The following CABIN1 variants were observed in gnomAD, a reference collection of about 807,000 sequenced individuals.
The protein encoded by CABIN1 is calcineurin-binding protein cabin-1.
CABIN1 carries 133 observed loss-of-function variants against 227.7 expected under a neutral mutation model. That is an observed-to-expected ratio of 0.58 (90% CI 0.51 to 0.67). The LOEUF (loss-of-function observed/expected upper bound fraction) is 0.67, where lower values mean the gene tolerates loss of function less well. CABIN1 is among the 30% of genes least tolerant of loss of function. The pLI is 0.00. For missense variants in CABIN1, 2,408 were observed against 2,852.5 expected (o/e 0.84, Z 3.55); for synonymous variants, 1,086 against 1,155.1 (o/e 0.94, Z 1.21).
chr22:24,061,941 C>G lies in CABIN1; in HGVS notation c.1618-6C>G. The stretch of plus-strand genomic sequence containing the variant: ...TGTTCTTGACCTTCCTGTGTCTGTC[C>G]TGCAGGACATGATGCTGATGTCTCT... On this transcript the variant is annotated splice_polypyrimidine_tract_variant and splice_region_variant and intron_variant, in intron 12 of 36. Coordinates refer to ENST00000263119, the MANE Select transcript of CABIN1 (RefSeq NM_012295.4). 2.5e-6 allele frequency: 4 copies of G among 1,612,410 alleles called. No homozygotes were observed. The highest frequency in any genetic ancestry group is 3.4e-6 in the Non-Finnish European group (4 of 1,178,520).
At chr22:24,131,801 C>T (rs1417940138) in intron 28 of CABIN1, among the ~76,000 whole-genome samples, 4 of 152,128 alleles carry the variant, frequency 2.6e-5, no homozygotes, top group South Asian at 2.1e-4. Flanking sequence ...CACGGTGGCT[C>T]GCGCCTGTAA....
chr22:24,084,887 C>T, intron 21 of CABIN1, 102 bp downstream of exon 21: 3 of 1,563,528 alleles, frequency 1.9e-6, no homozygotes, highest in Non-Finnish European at 2.6e-6. Context: ...TGCTCTGTAC[C>T]AGACTGAGGG....
chr22:24,175,382 G>T (rs1314168004), intron 34 of CABIN1, among the ~76,000 whole-genome samples: 1 of 152,254 alleles, frequency 6.6e-6, no homozygotes, highest in Non-Finnish European at 1.5e-5. Context: ...AGAGGATGGA[G>T]GGCCTCCTGG....
Position 24,167,136 on chromosome 22 carries a change from C to T in CABIN1, c.5505C>T (p.His1835=), listed in dbSNP as rs200993598. 1.6e-4 allele frequency: 253 copies of T among 1,589,622 alleles called. No homozygotes were observed. The highest frequency in any genetic ancestry group is 1.1e-4 in the Non-Finnish European group (123 of 1,170,178). ...ATTTGTRAGG[H]PEEPLSRLSR... ...CCACAGGGACCAGGGCAGGGGGCCA[C>T]CCGGAGGAGCCGCTCTCCCGGCTCA... Residue 1835 remains histidine (H), a synonymous_variant, in exon 32 of 37, where the codon CAC becomes CAT. Transcript: ENST00000263119.
chr22:24,173,386 G>A (rs2046938264), intron 34 of CABIN1: 2 of 152,216 alleles, frequency 1.3e-5, no homozygotes, highest in Non-Finnish European at 2.9e-5. Context: ...ACTGCTTTGA[G>A]GATTGTGAAC....
intron 6 of CABIN1, among the ~76,000 whole-genome samples, chr22:24,043,798 G>T (rs879075297): frequency 6.6e-6 from 1 of 152,128 alleles, no homozygotes; most frequent in East Asian, 1.9e-4. Flanking sequence ...TCAGATGTGG[G>T]TAAGACTTGA....
chr22:24,102,832 A>G (rs111450663), intron 26 of CABIN1, among the ~76,000 whole-genome samples: 1,600 of 152,076 alleles, frequency 0.011, 23 homozygotes, highest in African/African-American at 0.036. Context: ...GGCTACCTTG[A>G]GCCCCAGGTT....
intron 32 of CABIN1, among the ~76,000 whole-genome samples, chr22:24,167,982 G>A (rs557167193): frequency 6.6e-6 from 1 of 152,294 alleles, no homozygotes; most frequent in East Asian, 1.9e-4. Context: ...CACTTAAAGG[G>A]CAGGTTCTAG....
At chr22:24,093,740 C>T (rs2041704316) in intron 24 of CABIN1, among the ~76,000 whole-genome samples, 1 of 150,114 alleles carries the variant, frequency 6.7e-6, no homozygotes, top group South Asian at 2.1e-4. Context: ...TTAACAAGGC[C>T]TGGTGGCACG....
intron 26 of CABIN1, chr22:24,103,461 C>T (rs2042331776): frequency 6.6e-6 from 1 of 152,202 alleles, no homozygotes; most frequent in African/African-American, 2.4e-5. Flanking sequence ...CCCACCAGGG[C>T]CAGGCTATGT....
chr22:24,164,348 A>AG (rs1308330931), intron 29 of CABIN1, 52 bp from the exon 30 acceptor site: 1 of 1,595,854 alleles, frequency 6.3e-7, no homozygotes, highest in Non-Finnish European at 8.5e-7. Context: ...GGTGTCCCCG[A>AG]GGCTCCTGCC....
chr22:24,127,942 G>A (rs1025728090), intron 28 of CABIN1, among the ~76,000 whole-genome samples: 7 of 152,078 alleles, frequency 4.6e-5, no homozygotes, highest in Non-Finnish European at 8.8e-5. Context: ...ATTCTCTGTT[G>A]TGGGGATGTT....
At chr22:24,170,922 C>T (rs978144188) in intron 33 of CABIN1, among the ~76,000 whole-genome samples, 3 of 152,202 alleles carry the variant, frequency 2.0e-5, no homozygotes, top group Admixed American at 1.3e-4. Context: ...CTCTGCTCAG[C>T]TGTGAGAGGC....
At chr22:24,022,604 ATAAC>A (rs1258676760) in intron 1 of CABIN1, among the ~76,000 whole-genome samples, 2 of 152,234 alleles carry the variant, frequency 1.3e-5, no homozygotes, top group African/African-American at 2.4e-5. Context: ...TCTAGGATAA[ATAAC>A]TAGGAGTGAG....
intron 6 of CABIN1, among the ~76,000 whole-genome samples, chr22:24,048,383 T>C (rs2038059483): frequency 6.6e-6 from 1 of 152,168 alleles, no homozygotes; most frequent in Non-Finnish European, 1.5e-5. Context: ...GGACATACTT[T>C]ATTTAACCAG....
chr22:24,165,085 G>A (rs1025255801), intron 30 of CABIN1, among the ~76,000 whole-genome samples: 1 of 152,228 alleles, frequency 6.6e-6, no homozygotes, highest in African/African-American at 2.4e-5. Flanking sequence ...CTCAGATGTA[G>A]ATGGGCCTGG....
chr22:24,113,514 G>T, intron 26 of CABIN1, 52 bp from the exon 27 acceptor site: 2 of 1,545,660 alleles, frequency 1.3e-6, no homozygotes, highest in South Asian at 1.1e-5. Flanking sequence ...CCCCTGTGTT[G>T]GAGGTGGTGT....
chr22:24,164,747 A>AC (rs1314580353), intron 30 of CABIN1, among the ~76,000 whole-genome samples, 184 bp downstream of exon 30: 1 of 151,104 alleles, frequency 6.6e-6, no homozygotes, highest in African/African-American at 2.4e-5. Context: ...AACACTTCCC[A>AC]CCCCCAGGCA....
At chr22:24,063,607 C>G (rs2039360617) in intron 14 of CABIN1, among the ~76,000 whole-genome samples, 1 of 152,182 alleles carries the variant, frequency 6.6e-6, no homozygotes, top group Admixed American at 6.5e-5. Context: ...TTGGCTGTTA[C>G]CTAGCACCTT....
Sources: gnomAD v4.1 joint callset for allele counts (sites outside exome capture counted in the v4.1 genomes callset) on GRCh38, gnomAD v4.1.1 for gene constraint, MANE v1.5 for transcripts, NCBI Gene and HGNC (gene_info 2026-07-23, HGNC 2026-07-21) for gene names.